The following CWC15 variants were observed in gnomAD, a reference collection of about 807,000 sequenced individuals.
The protein encoded by CWC15 is CWC15 spliceosome associated protein.
In CWC15, 12 loss-of-function variants were observed where a neutral mutation model predicts 28.4. The ratio of observed to expected loss-of-function variants is 0.42; its 90% confidence interval spans 0.27 to 0.69. The LOEUF (loss-of-function observed/expected upper bound fraction) is 0.69. Ranked by LOEUF, CWC15 falls within the 30% of genes least tolerant of loss-of-function variation. The pLI is 0.23. For synonymous variants in CWC15, 92 were observed against 88.4 expected (o/e 1.04, Z -0.23); for missense variants, 192 against 271.5 (o/e 0.71, Z 2.06).
intron 2 of CWC15, 101 bp downstream of exon 2, chr11:94,971,954 T>C (rs191584288): frequency 2.3e-5 from 25 of 1,067,926 alleles, no homozygotes; most frequent in East Asian, 1.5e-4. Flanking sequence ...CCTATGAAAA[T>C]AGATAAGTGA....
At chr11:94,966,263 A>G (rs1565413026) in intron 6 of CWC15, 32 bp downstream of exon 6, 2 of 1,006,402 alleles carry the variant, frequency 2.0e-6, no homozygotes, top group Non-Finnish European at 1.5e-6. Flanking sequence ...ACACACACAC[A>G]CACACTCCAT....
rs1461770733 is a variant in CWC15, at chr11:94,963,655, G to T, written c.561-141C>A. The T allele has an allele frequency of 5.3e-6, 3 of 568,678 alleles. No homozygotes were observed. In the East Asian group the frequency reaches 1.0e-4, roughly 19 times the overall value. The allele number at this position is 568,678 out of a possible 1,614,324, so 35.2% of individuals were successfully genotyped here. A position where few individuals can be genotyped will look rare whatever the true frequency, so the allele number is the denominator to read the frequency against. ...TCTGATGCAGCAATTACACTCAAAA[G>T]AATAATGTCATCCTTAATATATAAT... On this transcript the variant is annotated intron_variant, in intron 6 of 6. Coordinates refer to ENST00000279839, the MANE Select transcript of CWC15 (RefSeq NM_016403.4).
chr11:94,969,900 A>G (rs1483985937), intron 5 of CWC15, 89 bp downstream of exon 5: 2 of 643,336 alleles, frequency 3.1e-6, no homozygotes, highest in Admixed American at 7.5e-5. Flanking sequence ...GAGATTTCTA[A>G]TATAAGAAGA....
At chr11:94,970,142 C>G in intron 4 of CWC15, 46 bp from the exon 5 acceptor site, 4 of 968,778 alleles carry the variant, frequency 4.1e-6, no homozygotes, top group Non-Finnish European at 6.2e-6. Flanking sequence ...AAAATACACA[C>G]TACCAAAACA....
At chr11:94,972,645 T>C (rs1357224400) in intron 1 of CWC15, among the ~76,000 whole-genome samples, 1 of 152,144 alleles carries the variant, frequency 6.6e-6, no homozygotes, top group Non-Finnish European at 1.5e-5. Flanking sequence ...TTATCTAAAC[T>C]TCACACAATA....
intron 5 of CWC15, among the ~76,000 whole-genome samples, chr11:94,967,322 G>A (rs1363414536): frequency 1.3e-5 from 2 of 152,090 alleles, no homozygotes; most frequent in Admixed American, 6.5e-5. Flanking sequence ...CACCGTGCCC[G>A]GCCTCAGTTT....
chr11:94,972,569 G>A (rs587670331), intron 1 of CWC15, among the ~76,000 whole-genome samples: 3 of 152,252 alleles, frequency 2.0e-5, no homozygotes, highest in South Asian at 2.1e-4. Flanking sequence ...ATACAGTACT[G>A]CCATGACTGA....
intron 6 of CWC15, among the ~76,000 whole-genome samples, chr11:94,964,037 T>A (rs1857606473): frequency 6.6e-6 from 1 of 151,972 alleles, no homozygotes; most frequent in Admixed American, 6.6e-5. Flanking sequence ...AAGGCTCAGA[T>A]ATGGCCCACA....
intron 5 of CWC15, among the ~76,000 whole-genome samples, chr11:94,968,150 C>T (rs1260706685): frequency 1.9e-4 from 29 of 152,120 alleles, no homozygotes; most frequent in Admixed American, 1.9e-3. Context: ...TTTATTGAAA[C>T]ATTGCCACAC....
intron 5 of CWC15, 116 bp from the exon 6 acceptor site, chr11:94,966,529 A>C: frequency 1.7e-6 from 1 of 573,738 alleles, no homozygotes; most frequent in Non-Finnish European, 2.8e-6. Flanking sequence ...TATGGCAACA[A>C]AAGCATCAAG....
At chr11:94,970,878 C>T (rs1368743222) in intron 4 of CWC15, 99 bp downstream of exon 4, 11 of 996,300 alleles carry the variant, frequency 1.1e-5, no homozygotes, top group African/African-American at 4.8e-5. Flanking sequence ...AGTAACTAAA[C>T]ATAAATATAT....
intron 2 of CWC15, 130 bp from the exon 3 acceptor site, chr11:94,971,617 A>G: frequency 1.7e-6 from 1 of 602,816 alleles, no homozygotes; most frequent in Non-Finnish European, 2.9e-6. Context: ...GGAAGTAGAC[A>G]AGATCATAAT....
chr11:94,968,685 G>C (rs1590958947), intron 5 of CWC15, among the ~76,000 whole-genome samples: 1 of 152,180 alleles, frequency 6.6e-6, no homozygotes, highest in Admixed American at 6.5e-5. Context: ...GATGAGAATT[G>C]TATTTTGAAA....
At chr11:94,967,921 A>G (rs182553178) in intron 5 of CWC15, among the ~76,000 whole-genome samples, 4 of 152,352 alleles carry the variant, frequency 2.6e-5, no homozygotes, top group Admixed American at 2.6e-4. Context: ...TATACCATAT[A>G]TCCAAACTTA....
At position 94,963,284 on chromosome 11, in the gene CWC15, C is replaced by T; in HGVS notation, c.*101G>A. ...ATAGGAGTTTAAAACTGGGGAAGCC[C>T]ACACACAATTTAGACAGGGGAAAAG... On this transcript the variant is annotated 3_prime_UTR_variant, in exon 7 of 7. Transcript: ENST00000279839. 1 of 904,796 alleles carries T rather than the reference C, an allele frequency of 1.1e-6. No homozygotes were observed. Among genetic ancestry groups the T allele is most frequent in the Non-Finnish European group, 1.6e-6 (1 of 643,324 alleles). The allele number at this position is 904,796 out of a possible 1,614,324, so 56.0% of individuals were successfully genotyped here.
chr11:94,964,361 C>T (rs905986651), intron 6 of CWC15, among the ~76,000 whole-genome samples: 6 of 152,094 alleles, frequency 3.9e-5, no homozygotes, highest in Non-Finnish European at 5.9e-5. Flanking sequence ...GAGCAACAAA[C>T]GTGGGCACCT....
intron 1 of CWC15, among the ~76,000 whole-genome samples, chr11:94,972,920 C>G (rs1293251481): frequency 1.3e-5 from 2 of 152,038 alleles, no homozygotes; most frequent in African/African-American, 4.8e-5. Flanking sequence ...ATCAGGGACT[C>G]ATTCCTCAAG....
Position 94,972,209 on chromosome 11 carries a change from T to C in CWC15, c.-8-16A>G. On this transcript the variant is annotated splice_polypyrimidine_tract_variant and intron_variant, in intron 1 of 6. Coordinates refer to ENST00000279839, the MANE Select transcript of CWC15 (RefSeq NM_016403.4). ...ATCTTTTATGCTTTGAAGAAAAATA[T>C]AATCAAGTTATTTCCAACATTACAA... is the stretch of plus-strand genomic sequence containing the variant. 1 of 1,607,698 alleles carries C rather than the reference T, an allele frequency of 6.2e-7. No individual in the cohort carries two copies.
chr11:94,967,856 G>C (rs587691925), intron 5 of CWC15, among the ~76,000 whole-genome samples: 1 of 152,086 alleles, frequency 6.6e-6, no homozygotes. Flanking sequence ...AAATTATACC[G>C]ATGCTTAAAG....
Sources: gnomAD v4.1 joint callset for allele counts (sites outside exome capture counted in the v4.1 genomes callset) on GRCh38, gnomAD v4.1.1 for gene constraint, MANE v1.5 for transcripts, NCBI Gene and HGNC (gene_info 2026-07-23, HGNC 2026-07-21) for gene names.